VWA5B1: variants seen among roughly 807,000 people sequenced by gnomAD.
The protein encoded by VWA5B1 is von Willebrand factor A domain containing 5B1.
A neutral mutation model predicts 118.2 loss-of-function variants in VWA5B1; 115 were observed. The observed-to-expected ratio is 0.97, with a 90% CI of 0.84 to 1.14. VWA5B1 has a LOEUF of 1.14. Ranked by LOEUF, VWA5B1 falls within the 50% of genes most tolerant of loss-of-function variation. The probability of loss-of-function intolerance (pLI) is 0.00; values close to 1 mark genes in which losing one functional copy is unlikely to be tolerated. For missense variants in VWA5B1, 1,596 were observed against 1,603.8 expected, an observed-to-expected ratio of 1.00 and a Z score of 0.08; for synonymous variants, 682 against 658.4, an observed-to-expected ratio of 1.04 and a Z score of -0.55.
chr1:20,313,223 A>G (rs2088902987), intron 3 of VWA5B1, among the ~76,000 whole-genome samples: 1 of 152,250 alleles, frequency 6.6e-6, no homozygotes. Context: ...TAGTCACCTC[A>G]AAAGTGTGAG....
chr1:20,318,271 C>T (rs566309267), intron 5 of VWA5B1, among the ~76,000 whole-genome samples: 3 of 151,864 alleles, frequency 2.0e-5, no homozygotes. Flanking sequence ...CAAAAAAGCA[C>T]CCTCCGACGG....
Position 20,310,688 on chromosome 1 carries a change from G to C in VWA5B1, c.87G>C (p.Leu29=), listed in dbSNP as rs746841583. The change falls in exon 2 of 22, where the codon CTG becomes CTC. Residue 29 remains leucine, a synonymous_variant. Transcript: ENST00000289815. ...DVTSCVSGYA[L]GLTASLTYGN... ...CCTCCTGTGTCAGCGGTTATGCCCT[G>C]GGCCTAACTGCCTCCCTCACCTATG... The C allele has an allele frequency of 6.4e-6, 10 of 1,550,914 alleles. No individual in the cohort carries two copies. The highest frequency in any genetic ancestry group is 1.4e-5 in the African/African-American group (1 of 73,000).
chr1:20,302,389 T>C (rs1166293214), intron 1 of VWA5B1, among the ~76,000 whole-genome samples: 1 of 152,206 alleles, frequency 6.6e-6, no homozygotes, highest in African/African-American at 2.4e-5. Flanking sequence ...TTTCATTCTA[T>C]TTATTTGGCC....
Position 20,332,826 on chromosome 1 carries a change from A to T in VWA5B1, c.1633A>T (p.Ile545Phe), listed in dbSNP as rs199681702. 5.2e-6 allele frequency: 8 copies of T among 1,551,648 alleles called. No homozygotes were observed. Among genetic ancestry groups the T allele is most frequent in the Non-Finnish European group, 7.0e-6 (8 of 1,147,028 alleles). ...CCTGAGCGATGTGACTGTGGAGTGG[A>T]TCTTCCCTGAGACCACTGAGGTCCT... ...PVLSDVTVEW[I>F]FPETTEVLVS... Residue 545 changes from isoleucine to phenylalanine, a missense_variant, in exon 12 of 22, where the codon ATC becomes TTC. Ile to Phe is a conservative substitution (Grantham distance 21). Coordinates refer to ENST00000289815, the MANE Select transcript of VWA5B1 (RefSeq NM_001039500.3).
chr1:20,302,280 G>A (rs1369285389), intron 1 of VWA5B1, among the ~76,000 whole-genome samples: 1 of 152,094 alleles, frequency 6.6e-6, no homozygotes, highest in Admixed American at 6.5e-5. Flanking sequence ...GCTATCTCCA[G>A]GATAGAATCT....
intron 1 of VWA5B1, among the ~76,000 whole-genome samples, chr1:20,291,339 C>CTTTCTTTCTT (rs1553192739): frequency 3.7e-5 from 5 of 135,128 alleles, no homozygotes; most frequent in African/African-American, 1.4e-4. Context: ...CTCTCTCTCT[C>CTTTCTTTCTT]TCTTTCTTTC....
intron 1 of VWA5B1, among the ~76,000 whole-genome samples, chr1:20,300,033 C>A (rs2088477578): frequency 6.6e-6 from 1 of 152,192 alleles, no homozygotes. Flanking sequence ...AGGGGGGCGC[C>A]ATTAACAACC....
rs1427810641 is a variant in VWA5B1, at chr1:20,314,427, G to A, written c.398G>A (p.Gly133Glu). The A allele has an allele frequency of 3.2e-6, 5 of 1,551,794 alleles. No individual in the cohort carries two copies. In the East Asian group the frequency reaches 9.8e-5, roughly 30 times the overall value. Reference protein sequence around the residue: ...LERILFVANLGTIAPMENVTI... With the variant: ...LERILFVANLETIAPMENVTI... ...CGGATCCTGTTCGTGGCCAACCTGG[G>A]GACCATTGCCCCCATGGAGAATGTC... The change falls in exon 4 of 22, where the codon GGG (glycine) becomes GAG (glutamate). Residue 133 changes from glycine to glutamate, a missense_variant. Coordinates refer to ENST00000289815, the MANE Select transcript of VWA5B1 (RefSeq NM_001039500.3).
At chr1:20,313,440 G>A (rs773928513) in intron 3 of VWA5B1, among the ~76,000 whole-genome samples, 6 of 152,208 alleles carry the variant, frequency 3.9e-5, no homozygotes, top group Non-Finnish European at 8.8e-5. Context: ...GCTCAACAAG[G>A]ACAATGCACG....
At chr1:20,296,029 A>AT (rs1476987143) in intron 1 of VWA5B1, among the ~76,000 whole-genome samples, 2 of 152,038 alleles carry the variant, frequency 1.3e-5, no homozygotes, top group East Asian at 1.9e-4. Context: ...AGCCTGGCTA[A>AT]TTTTTTTATT....
At chr1:20,353,337 GT>G in intron 21 of VWA5B1, among the ~76,000 whole-genome samples, 1 of 152,300 alleles carries the variant, frequency 6.6e-6, no homozygotes, top group East Asian at 1.9e-4. Flanking sequence ...TGGATTGGGG[GT>G]GGGGAGAGGG....
intron 19 of VWA5B1, 119 bp from the exon 20 acceptor site, chr1:20,350,738 T>G: frequency 1.1e-6 from 1 of 916,654 alleles, no homozygotes; most frequent in Non-Finnish European, 1.7e-6. Flanking sequence ...TTAGCTCGAG[T>G]CCCTAGGAAC....
chr1:20,295,682 A>G (rs1270030856), intron 1 of VWA5B1, among the ~76,000 whole-genome samples: 1 of 152,184 alleles, frequency 6.6e-6, no homozygotes, highest in Non-Finnish European at 1.5e-5. Context: ...GACAGGACCC[A>G]GGGCCAGGGC....
intron 1 of VWA5B1, chr1:20,303,382 G>A (rs2088552389): frequency 6.6e-6 from 1 of 152,568 alleles, no homozygotes; most frequent in South Asian, 2.1e-4. Context: ...TTGCAGGTGG[G>A]AGGAACATGT....
chr1:20,292,629 A>AGTGGCATGCGTGTGTGTGTGT (rs1553192980), intron 1 of VWA5B1, among the ~76,000 whole-genome samples: 2 of 152,128 alleles, frequency 1.3e-5, no homozygotes, highest in African/African-American at 4.8e-5. Context: ...TTAAGAGTGC[A>AGTGGCATGCGTGTGTGTGTGT]GTGGCATGCG....
intron 7 of VWA5B1, among the ~76,000 whole-genome samples, chr1:20,321,534 G>A (rs1482286050): frequency 2.6e-5 from 4 of 152,214 alleles, no homozygotes; most frequent in South Asian, 4.1e-4. Context: ...GCAGTGAGCC[G>A]AGATTGAGCC....
chr1:20,337,660 C>T lies in VWA5B1; in HGVS notation c.1957C>T (p.Gln653Ter), dbSNP rs1461665361. The change falls in exon 14 of 22, where the codon CAG becomes TAG. Residue 653 changes from glutamine (Q) to a stop codon, truncating the protein, a stop_gained. Coordinates refer to ENST00000289815, the MANE Select transcript of VWA5B1 (RefSeq NM_001039500.3). LOFTEE classifies it high-confidence loss of function. ...TCCCTGTCCAGATCTGAACCTCTCTCAGCGACGGAGGGCATACAGCACCAA... is the reference window on the plus strand; with the variant it reads ...TCCCTGTCCAGATCTGAACCTCTCTTAGCGACGGAGGGCATACAGCACCAA... Reference protein sequence around the residue: ...STTKHDLNLSQRRRAYSTNQI... With the variant: ...STTKHDLNLS The T allele has an allele frequency of 9.0e-6, 14 of 1,551,392 alleles. No individual in the cohort carries two copies. The South Asian group carries it at 1.4e-4, about 16-fold the overall frequency.
At chr1:20,291,532 G>GCCTCCTTCCTCCCTCTCTCAA (rs1236257275) in intron 1 of VWA5B1, among the ~76,000 whole-genome samples, 26 of 150,670 alleles carry the variant, frequency 1.7e-4, no homozygotes, top group Non-Finnish European at 2.2e-4. Context: ...TCTTCTCTCT[G>GCCTCCTTCCTCCCTCTCTCAA]CCTCCTTCCT....
At chr1:20,297,408 G>A (rs1201136421) in intron 1 of VWA5B1, among the ~76,000 whole-genome samples, 2 of 152,204 alleles carry the variant, frequency 1.3e-5, no homozygotes, top group African/African-American at 2.4e-5. Context: ...GCTTCCACCT[G>A]GAAGTGACAC....
Sources: allele counts gnomAD v4.1 joint callset (sites outside exome capture counted in the v4.1 genomes callset), GRCh38; gene constraint gnomAD v4.1.1; transcripts MANE v1.5; gene names NCBI Gene and HGNC (gene_info 2026-07-23, HGNC 2026-07-21).